Variants in ADCY7 observed in about 807,000 individuals in gnomAD.
ADCY7 encodes the protein adenylate cyclase type 7.
Under a neutral mutation model 120.6 loss-of-function variants are expected in ADCY7, and 72 were observed. The observed-to-expected ratio is 0.60, with a 90% CI of 0.49 to 0.73. The LOEUF is 0.73. ADCY7 is among the 30% of genes least tolerant of loss of function. ADCY7 has a pLI of 0.00. For missense variants in ADCY7, 1,227 were observed against 1,486.0 expected (o/e 0.83, Z 2.87); for synonymous variants, 661 against 628.0 (o/e 1.05, Z -0.78).
intron 22 of ADCY7, chr16:50,313,377 A>T: frequency 3.8e-6 from 1 of 266,558 alleles, no homozygotes; most frequent in South Asian, 4.2e-5. Flanking sequence ...GGATCACGCC[A>T]CTGCACTACA....
chr16:50,247,539 A>AT (rs5816683), intron 1 of ADCY7, among the ~76,000 whole-genome samples: 8,657 of 111,234 alleles, frequency 0.078, 921 homozygotes, highest in African/African-American at 0.22. Context: ...TAATTTAGTA[A>AT]TTTTTTTTTT....
chr16:50,274,890 G>T (rs573907013), intron 1 of ADCY7, among the ~76,000 whole-genome samples: 35 of 152,264 alleles, frequency 2.3e-4, no homozygotes, highest in Admixed American at 2.2e-3. Flanking sequence ...AATTGCCCGA[G>T]TCACACAGCT....
intron 6 of ADCY7, among the ~76,000 whole-genome samples, chr16:50,293,752 C>T (rs1439308094): frequency 6.6e-6 from 1 of 152,128 alleles, no homozygotes; most frequent in Non-Finnish European, 1.5e-5. Flanking sequence ...AGCACACCCC[C>T]AAAACTGTAA....
intron 5 of ADCY7, among the ~76,000 whole-genome samples, chr16:50,293,036 G>A (rs777289228): frequency 1.2e-4 from 19 of 152,156 alleles, no homozygotes; most frequent in Admixed American, 7.2e-4. Flanking sequence ...TCCTGGGCAC[G>A]CAGTCCCCAG....
chr16:50,269,011 A>G (rs931008900), intron 1 of ADCY7, among the ~76,000 whole-genome samples: 3 of 152,218 alleles, frequency 2.0e-5, no homozygotes, highest in Admixed American at 2.0e-4. Flanking sequence ...CACTCCATCC[A>G]GCCTGGGTGA....
intron 1 of ADCY7, chr16:50,279,525 TAG>T (rs1567542869): frequency 6.6e-6 from 1 of 151,738 alleles, no homozygotes; most frequent in Non-Finnish European, 1.5e-5. Context: ...GTTGATTGCT[TAG>T]TCAGTTGATA....
chr16:50,300,133 G>A (rs981239722), intron 8 of ADCY7, among the ~76,000 whole-genome samples: 12 of 152,112 alleles, frequency 7.9e-5, no homozygotes, highest in South Asian at 2.1e-4. Context: ...TGCCCAGAGC[G>A]TATCTCGGTT....
At chr16:50,312,822 A>C in intron 21 of ADCY7, 68 bp from the exon 22 acceptor site, 1 of 1,419,560 alleles carries the variant, frequency 7.0e-7, no homozygotes, top group Non-Finnish European at 9.4e-7. Context: ...TCTGCTCCTG[A>C]GGCCTTGCCA....
At chr16:50,312,777 C>G in intron 21 of ADCY7, 113 bp from the exon 22 acceptor site, 2 of 892,034 alleles carry the variant, frequency 2.2e-6, no homozygotes, top group Non-Finnish European at 3.2e-6. Context: ...CCTCCCCACT[C>G]CCCGAAAGCT....
intron 1 of ADCY7, among the ~76,000 whole-genome samples, chr16:50,278,142 C>G (rs990669382): frequency 6.6e-5 from 10 of 151,396 alleles, no homozygotes; most frequent in Non-Finnish European, 3.0e-5. Flanking sequence ...TGAGTTCAAG[C>G]GATTCTCGTG....
intron 6 of ADCY7, 43 bp from the exon 7 acceptor site, chr16:50,294,597 G>A (rs751144171): frequency 2.3e-6 from 3 of 1,276,700 alleles, no homozygotes; most frequent in Non-Finnish European, 3.4e-6. Context: ...TGCTGTCTAG[G>A]AGCCTGGCTC....
chr16:50,291,634 TA>T, intron 3 of ADCY7, 101 bp from the exon 4 acceptor site: 1 of 1,419,326 alleles, frequency 7.0e-7, no homozygotes, highest in Non-Finnish European at 9.8e-7. Flanking sequence ...GGAGCCAACC[TA>T]AGGATACGCA....
chr16:50,263,811 C>G (rs1291103049), upstream of ADCY7, among the ~76,000 whole-genome samples: 1 of 152,014 alleles, frequency 6.6e-6, no homozygotes, highest in South Asian at 2.1e-4. Flanking sequence ...GATATCTCCC[C>G]CAGCGGCTCC....
At chr16:50,254,116 T>G (rs2150784326) in intron 1 of ADCY7, among the ~76,000 whole-genome samples, 1 of 152,328 alleles carries the variant, frequency 6.6e-6, no homozygotes, top group South Asian at 2.1e-4. Flanking sequence ...AAACGACCCC[T>G]TCGCTGTGTG....
At chr16:50,269,377 G>A (rs1292052201) in intron 1 of ADCY7, among the ~76,000 whole-genome samples, 1 of 152,240 alleles carries the variant, frequency 6.6e-6, no homozygotes, top group Non-Finnish European at 1.5e-5. Flanking sequence ...TCTGGTTGGT[G>A]CTGAGGGATT....
chr16:50,299,826 C>A (rs1442930184), intron 8 of ADCY7, among the ~76,000 whole-genome samples: 1 of 152,186 alleles, frequency 6.6e-6, no homozygotes, highest in African/African-American at 2.4e-5. Flanking sequence ...CAGTGCCCAG[C>A]CTTGTTGGTG....
At chr16:50,299,537 T>C (rs2035580043) in intron 8 of ADCY7, among the ~76,000 whole-genome samples, 1 of 152,144 alleles carries the variant, frequency 6.6e-6, no homozygotes, top group Admixed American at 6.5e-5. Flanking sequence ...GAGGGCTGTA[T>C]GGGGAGAGGG....
chr16:50,300,700 G>A lies in ADCY7; in HGVS notation c.1077-15G>A. On this transcript the variant is annotated splice_polypyrimidine_tract_variant and intron_variant, in intron 8 of 25. Coordinates refer to ENST00000673801, the MANE Select transcript of ADCY7 (RefSeq NM_001114.5). ...GCTTAGGCAGGGCTGGGGTGACTGG[G>A]CCACTCTGCCCCAGGCAGGTGCGGG... 1 of 1,551,134 alleles carries A rather than the reference G, an allele frequency of 6.4e-7. No individual in the cohort carries two copies.
Position 50,297,577 on chromosome 16 carries a change from G to A in ADCY7, c.949-1327G>A, listed in dbSNP as rs992065898. On this transcript the variant is annotated intron_variant, in intron 7 of 25. Transcript: ENST00000673801. The surrounding 1 kb of genome is among the most constrained non-coding windows in gnomAD (Gnocchi z 4.4). ...GCCCAGCAGGAAACATCTGGCACACGCTGAAACTGAGTAATTGGCGGAGGG... is the reference window on the plus strand; with the variant it reads ...GCCCAGCAGGAAACATCTGGCACACACTGAAACTGAGTAATTGGCGGAGGG... Among the ~76,000 whole-genome samples the A allele has an allele frequency of 1.3e-5, 2 of 152,226 alleles. No homozygotes were observed. The highest frequency in any genetic ancestry group is 4.8e-5 in the African/African-American group (2 of 41,450).
Sources: gnomAD v4.1 joint callset for allele counts (sites outside exome capture counted in the v4.1 genomes callset) on GRCh38, gnomAD v4.1.1 for gene constraint, Gnocchi (gnomAD v3.1) non-coding constraint, MANE v1.5 for transcripts, NCBI Gene and HGNC (gene_info 2026-07-23, HGNC 2026-07-21) for gene names.